The following GRIA3 variants were observed in gnomAD, a reference collection of about 807,000 sequenced individuals.
The protein encoded by GRIA3 is glutamate receptor 3.
GRIA3 carries 3 observed loss-of-function variants against 63.0 expected under a neutral mutation model. That is an observed-to-expected ratio of 0.05 (90% CI 0.02 to 0.12). GRIA3 has a LOEUF of 0.12. GRIA3 is among the 10% of genes least tolerant of loss of function. The pLI, the probability that GRIA3 is intolerant of heterozygous loss-of-function variation, is 1.00. For missense variants in GRIA3, 347 were observed against 700.9 expected (o/e 0.50, Z 5.70); for synonymous variants, 274 against 257.9 (o/e 1.06, Z -0.60).
chrX:123,295,320 T>C (rs1480795556), intron 3 of GRIA3, among the ~76,000 whole-genome samples: 2 of 111,752 alleles, frequency 1.8e-5, no homozygotes, highest in African/African-American at 6.5e-5. Flanking sequence ...AATCAGTCAC[T>C]GTTTTTAGCT....
At chrX:123,332,687 G>A (rs10521718) in intron 4 of GRIA3, among the ~76,000 whole-genome samples, 16,355 of 110,137 alleles carry the variant, frequency 0.15, 1,180 homozygotes, top group Non-Finnish European at 0.22. Flanking sequence ...CATCCTATCC[G>A]AAGTCTGAAA....
At chrX:123,301,274 A>C (rs2044721309) in intron 3 of GRIA3, among the ~76,000 whole-genome samples, 1 of 111,299 alleles carries the variant, frequency 9.0e-6, no homozygotes, top group Non-Finnish European at 1.9e-5. Flanking sequence ...GGGGTGTTGA[A>C]GTATCCCACT....
rs1191984148 is a variant in GRIA3 at position 123,463,780 on chromosome X, AAAAG to A, written c.2077-1079_2077-1076del. Among the ~76,000 whole-genome samples the A allele has an allele frequency of 6.4e-4, 67 of 104,176 alleles. 3 individuals are homozygous for A. The Middle Eastern group carries it at 0.014, about 23-fold the overall frequency. 90.5% of individuals were successfully genotyped at this position (104,176 alleles called of 115,157 possible). ...GAGAAAGAAAGAAGAGAAAGAAAGA[AAAAG>A]AAAGAGAAAGAAAGAAGAAAGAGAG... is the stretch of plus-strand genomic sequence containing the variant. On this transcript the variant is annotated intron_variant, in intron 12 of 15. Coordinates refer to ENST00000620443, the MANE Select transcript of GRIA3 (RefSeq NM_007325.5).
intron 3 of GRIA3, among the ~76,000 whole-genome samples, chrX:123,284,066 T>C (rs2044602769): frequency 8.9e-6 from 1 of 112,718 alleles, no homozygotes; most frequent in African/African-American, 3.2e-5. Context: ...GCAGCAATCT[T>C]TGCTGTTCTG....
At chrX:123,397,481 A>C (rs1294041201) in intron 6 of GRIA3, among the ~76,000 whole-genome samples, 1 of 112,196 alleles carries the variant, frequency 8.9e-6, no homozygotes, top group Non-Finnish European at 1.9e-5. Context: ...GGACTACATT[A>C]AGATTGCTGA....
chrX:123,347,519 A>G (rs1411795560), intron 4 of GRIA3, among the ~76,000 whole-genome samples: 2 of 112,291 alleles, frequency 1.8e-5, no homozygotes, highest in Non-Finnish European at 3.8e-5. Flanking sequence ...AAGTGCTGGA[A>G]GCACTGCACA....
chrX:123,425,439 A>G lies in GRIA3; in HGVS notation c.1878-2502A>G, dbSNP rs779338986. The stretch of plus-strand genomic sequence containing the variant: ...AAGTGCTCAATAAGTATTAGCTATA[A>G]TTGTTATCATTTTTCTTCCTCTATT... On this transcript the variant is annotated intron_variant, in intron 11 of 15. Transcript: ENST00000620443. Among the ~76,000 whole-genome samples, 10 of 112,042 alleles carry G rather than the reference A, an allele frequency of 8.9e-5. 1 individual carries two copies. In the East Asian group the frequency reaches 2.8e-3, roughly 31 times the overall value.
chrX:123,402,635 C>T (rs1004763081), intron 7 of GRIA3, among the ~76,000 whole-genome samples: 9 of 110,788 alleles, frequency 8.1e-5, no homozygotes, highest in African/African-American at 3.0e-4. Flanking sequence ...CAGCCATGGC[C>T]CCCAAGGAAC....
At chrX:123,462,645 G>A (rs912348457) in intron 12 of GRIA3, among the ~76,000 whole-genome samples, 1 of 111,520 alleles carries the variant, frequency 9.0e-6, no homozygotes, top group Non-Finnish European at 1.9e-5. Flanking sequence ...AGTCCATGGT[G>A]ATAGTTCTGG....
chrX:123,428,524 A>G (rs1393512844), intron 12 of GRIA3, among the ~76,000 whole-genome samples: 1 of 112,069 alleles, frequency 8.9e-6, no homozygotes, highest in Admixed American at 9.5e-5. Context: ...CAGTGCTTTT[A>G]TGTCTCAGAG....
intron 15 of GRIA3, 65 bp downstream of exon 15, chrX:123,483,111 C>CTTT: frequency 3.9e-5 from 29 of 741,658 alleles, no homozygotes; most frequent in Non-Finnish European, 5.1e-5. Context: ...TTTTTTTCTT[C>CTTT]TTTTTTTTTT....
intron 3 of GRIA3, among the ~76,000 whole-genome samples, chrX:123,262,334 C>T (rs1217237883): frequency 9.0e-6 from 1 of 111,477 alleles, no homozygotes; most frequent in African/African-American, 3.3e-5. Context: ...AATTTTCCCC[C>T]CTCAGAGGAC....
In GRIA3 at chrX:123,489,934, G is replaced by C. The variant is rs2045960656; in HGVS notation, c.*1224G>C. 8.9e-6 allele frequency: 1 copy of C among 112,184 alleles called. No homozygotes were observed. The highest frequency in any genetic ancestry group is 1.9e-5 in the Non-Finnish European group (1 of 53,167). 9.2% of individuals were successfully genotyped at this position (112,184 alleles called of 1,213,427 possible). A position where few individuals can be genotyped will look rare whatever the true frequency, so the allele number is the denominator to read the frequency against. On this transcript the variant is annotated 3_prime_UTR_variant, in exon 16 of 16. Coordinates refer to ENST00000620443, the MANE Select transcript of GRIA3 (RefSeq NM_007325.5). ...TCCCAAACCTACTGCTAATCTGAGGGCCTCAGCATCACTTCCAGATCCTTG... is the reference window on the plus strand; with the variant it reads ...TCCCAAACCTACTGCTAATCTGAGGCCCTCAGCATCACTTCCAGATCCTTG...
chrX:123,330,638 T>C (rs979796852), intron 4 of GRIA3, among the ~76,000 whole-genome samples: 10 of 111,804 alleles, frequency 8.9e-5, no homozygotes, highest in African/African-American at 3.3e-4. Context: ...GGTAGTTTAA[T>C]CACCTTCTCA....
At chrX:123,482,281 T>C (rs1280251249) in intron 14 of GRIA3, among the ~76,000 whole-genome samples, 1 of 112,193 alleles carries the variant, frequency 8.9e-6, no homozygotes, top group African/African-American at 3.2e-5. Flanking sequence ...GAACCTCTAA[T>C]ATTATCATGT....
chrX:123,292,824 T>C (rs2044664153), intron 3 of GRIA3, among the ~76,000 whole-genome samples: 1 of 111,292 alleles, frequency 9.0e-6, no homozygotes. Context: ...TACAAAACTG[T>C]CTACCAAATG....
chrX:123,391,957 A>G (rs1288061153), intron 5 of GRIA3, among the ~76,000 whole-genome samples: 3 of 111,886 alleles, frequency 2.7e-5, no homozygotes, highest in Non-Finnish European at 5.6e-5. Context: ...GCCCCTGGAC[A>G]GTTTACTCAG....
At chrX:123,369,518 C>A (rs12387435) in intron 5 of GRIA3, among the ~76,000 whole-genome samples, 15,540 of 111,480 alleles carry the variant, frequency 0.14, 1,018 homozygotes, top group Non-Finnish European at 0.2. Context: ...TGATAGGGAG[C>A]GTCTGGCCTC....
intron 12 of GRIA3, among the ~76,000 whole-genome samples, chrX:123,448,815 A>C (rs192364855): frequency 3.5e-3 from 389 of 111,916 alleles, no homozygotes; most frequent in Non-Finnish European, 5.8e-3. Context: ...CCACATCTCC[A>C]TTCCTTACAG....
Sources: allele counts gnomAD v4.1 joint callset (sites outside exome capture counted in the v4.1 genomes callset), GRCh38; gene constraint gnomAD v4.1.1; transcripts MANE v1.5; gene names NCBI Gene and HGNC (gene_info 2026-07-23, HGNC 2026-07-21).